SMIM36: variants seen among roughly 807,000 people sequenced by gnomAD.
SMIM36 encodes the protein small integral membrane protein 36.
intron 1 of SMIM36, among the ~76,000 whole-genome samples, chr17:55,486,977 G>A (rs1390429632): frequency 6.6e-6 from 1 of 152,168 alleles, no homozygotes; most frequent in East Asian, 1.9e-4. Flanking sequence ...CAGACCATGT[G>A]CTGGGCACTG....
intron 3 of SMIM36, among the ~76,000 whole-genome samples, chr17:55,474,954 G>C (rs1909405338): frequency 1.3e-5 from 2 of 152,168 alleles, no homozygotes; most frequent in Admixed American, 6.5e-5. Context: ...AGCCTGGACA[G>C]GTCCCTTGTT....
At chr17:55,495,673 C>T (rs1909795788) in intron 1 of SMIM36, among the ~76,000 whole-genome samples, 1 of 150,590 alleles carries the variant, frequency 6.6e-6, no homozygotes, top group African/African-American at 2.4e-5. Flanking sequence ...GGGGTAGTGG[C>T]AAGCACCCAA....
the SMIM36 span, among the ~76,000 whole-genome samples, chr17:55,523,654 A>G: frequency 6.6e-6 from 1 of 152,138 alleles, no homozygotes; most frequent in Non-Finnish European, 1.5e-5. Flanking sequence ...CAGAGCCTCC[A>G]GAACTGTGAG....
intron 1 of SMIM36, among the ~76,000 whole-genome samples, chr17:55,508,453 TA>T (rs1420151510): frequency 1.5e-5 from 2 of 135,660 alleles, no homozygotes; most frequent in East Asian, 4.0e-4. Context: ...TATATATATA[TA>T]TATATATATA....
chr17:55,488,596 A>G (rs55794935), intron 1 of SMIM36, among the ~76,000 whole-genome samples: 46,626 of 152,150 alleles, frequency 0.31, 8,346 homozygotes, highest in South Asian at 0.41. Context: ...CTATTACAAT[A>G]TCAGTATATT....
At chr17:55,494,665 T>C (rs1909776291) in intron 1 of SMIM36, among the ~76,000 whole-genome samples, 1 of 152,134 alleles carries the variant, frequency 6.6e-6, no homozygotes, top group Non-Finnish European at 1.5e-5. Flanking sequence ...ATGTATACTT[T>C]TGTATATTTT....
chr17:55,467,282 T>C (rs181300130), exon 4 of SMIM36: 1 of 152,364 alleles, frequency 6.6e-6, no homozygotes, highest in Non-Finnish European at 1.5e-5. Context: ...AGCTTCTTTT[T>C]ATTAGCTGTC....
At chr17:55,516,081 C>A (rs968308831), upstream of SMIM36, among the ~76,000 whole-genome samples, 3 of 152,152 alleles carry the variant, frequency 2.0e-5, no homozygotes, top group African/African-American at 4.8e-5. Flanking sequence ...AAAACAAAGA[C>A]CTTCAGTTTA....
At chr17:55,463,210 A>G (rs180735986) in intron 4 of SMIM36, among the ~76,000 whole-genome samples, 7 of 152,216 alleles carry the variant, frequency 4.6e-5, no homozygotes, top group Admixed American at 6.5e-5. Context: ...CATAATGTCT[A>G]TGATAAAGCT....
intron 1 of SMIM36, among the ~76,000 whole-genome samples, chr17:55,500,192 A>G (rs944450705): frequency 6.6e-6 from 1 of 151,958 alleles, no homozygotes; most frequent in Non-Finnish European, 1.5e-5. Context: ...TAATGTGATC[A>G]TGGCTCACTG....
intron 4 of SMIM36, among the ~76,000 whole-genome samples, chr17:55,458,696 G>A (rs1057025725): frequency 3.3e-5 from 5 of 151,868 alleles, no homozygotes; most frequent in Admixed American, 6.6e-5. Context: ...CCTCCTCTGC[G>A]GCCGAAGAGC....
intron 1 of SMIM36, among the ~76,000 whole-genome samples, chr17:55,490,799 G>A (rs970146475): frequency 5.3e-5 from 8 of 152,062 alleles, no homozygotes; most frequent in Non-Finnish European, 1.2e-4. Context: ...ATGATCATAA[G>A]TATGTAAAAT....
At chr17:55,474,274 C>A (rs1909390397) in intron 3 of SMIM36, among the ~76,000 whole-genome samples, 1 of 152,212 alleles carries the variant, frequency 6.6e-6, no homozygotes, top group East Asian at 1.9e-4. Flanking sequence ...GATTAACGGA[C>A]TGTCGAGGCA....
At chr17:55,497,587 C>G (rs898463736) in intron 1 of SMIM36, among the ~76,000 whole-genome samples, 3 of 151,314 alleles carry the variant, frequency 2.0e-5, no homozygotes, top group African/African-American at 7.4e-5. Context: ...AAAACACAAC[C>G]TGGTGGTGTG....
At chr17:55,530,932 C>T in the SMIM36 span, among the ~76,000 whole-genome samples, 3 of 152,136 alleles carry the variant, frequency 2.0e-5, no homozygotes, top group African/African-American at 7.2e-5. Flanking sequence ...TTCAGGCAGC[C>T]AGGCACAGGG....
chr17:55,452,272 T>A (rs976422075), intron 4 of SMIM36, among the ~76,000 whole-genome samples: 2 of 152,198 alleles, frequency 1.3e-5, no homozygotes, highest in African/African-American at 4.8e-5. Context: ...GAACTCTTGG[T>A]GTAGAAACTG....
chr17:55,521,873 G>A, the SMIM36 span, among the ~76,000 whole-genome samples: 2 of 83,796 alleles, frequency 2.4e-5, no homozygotes, highest in East Asian at 2.9e-4. Context: ...TTTTTTTTTT[G>A]CCAACCCACT....
chr17:55,477,875 GA>G (rs1277787079), intron 3 of SMIM36, among the ~76,000 whole-genome samples: 1 of 149,682 alleles, frequency 6.7e-6, no homozygotes, highest in Non-Finnish European at 1.5e-5. Flanking sequence ...TTAAGAGAGA[GA>G]AAAGCTCTTC....
chr17:55,460,327 C>T (rs1909117702), intron 4 of SMIM36, among the ~76,000 whole-genome samples: 1 of 151,940 alleles, frequency 6.6e-6, no homozygotes, highest in Non-Finnish European at 1.5e-5. Context: ...ACTTGGGAGG[C>T]TGAGGCAGGA....
Sources: gnomAD v4.1 joint callset for allele counts (sites outside exome capture counted in the v4.1 genomes callset) on GRCh38, gnomAD v4.1.1 for gene constraint, MANE v1.5 for transcripts, NCBI Gene and HGNC (gene_info 2026-07-23, HGNC 2026-07-21) for gene names.